The following ATR variants were observed in gnomAD, a reference collection of about 807,000 sequenced individuals.
ATR encodes serine/threonine-protein kinase ATR.
In ATR, 142 loss-of-function variants were observed where a neutral mutation model predicts 305.3. The observed-to-expected ratio is 0.47, with a 90% CI of 0.41 to 0.53. The LOEUF (loss-of-function observed/expected upper bound fraction) is 0.53. Ranked by LOEUF, ATR falls within the 20% of genes least tolerant of loss-of-function variation. The pLI is 0.00. For synonymous variants in ATR, 1,050 were observed against 1,068.1 expected (o/e 0.98, Z 0.33); for missense variants, 2,135 against 3,133.1 (o/e 0.68, Z 7.60).
chr3:142,566,434 G>C (rs2035074210), intron 2 of ATR, among the ~76,000 whole-genome samples, 173 bp from the exon 3 acceptor site: 1 of 152,020 alleles, frequency 6.6e-6, no homozygotes, highest in African/African-American at 2.4e-5. Flanking sequence ...GCCTGGATAA[G>C]ATGTCAAGAT....
chr3:142,497,247 T>A (rs2108337337), intron 32 of ATR, 55 bp from the exon 33 acceptor site: 3 of 1,556,062 alleles, frequency 1.9e-6, no homozygotes, highest in South Asian at 2.3e-5. Context: ...CTTATTAATC[T>A]CATATATAAA....
At chr3:142,458,826 A>T in intron 44 of ATR, 132 bp downstream of exon 44, 1 of 1,053,816 alleles carries the variant, frequency 9.5e-7, no homozygotes, top group Non-Finnish European at 1.4e-6. Flanking sequence ...GATGAAAACT[A>T]GTCAACAAAT....
At chr3:142,496,577 C>T (rs1340077049) in intron 33 of ATR, 57 bp from the exon 34 acceptor site, 2 of 1,552,560 alleles carry the variant, frequency 1.3e-6, no homozygotes, top group Non-Finnish European at 1.8e-6. Flanking sequence ...TACACAACAA[C>T]TTAACTTAAA....
At chr3:142,572,371 ACTTTTTTTTT>A (rs1467563140) in intron 1 of ATR, among the ~76,000 whole-genome samples, 4 of 49,020 alleles carry the variant, frequency 8.2e-5, no homozygotes, top group African/African-American at 2.7e-4. Context: ...GCCCGGCCTG[ACTTTTTTTTT>A]TTTTTTTTTT....
intron 18 of ATR, among the ~76,000 whole-genome samples, chr3:142,539,092 CTAAA>C (rs1180987783): frequency 1.3e-5 from 2 of 152,072 alleles, no homozygotes; most frequent in African/African-American, 2.4e-5. Context: ...GTGAACCTAA[CTAAA>C]TGTTAAATTG....
chr3:142,511,170 G>T (rs904474373), intron 27 of ATR, among the ~76,000 whole-genome samples: 1 of 151,896 alleles, frequency 6.6e-6, no homozygotes, highest in Non-Finnish European at 1.5e-5. Flanking sequence ...TATTTTCCAA[G>T]TGAAGAATGA....
rs754343411 is a variant in ATR at position 142,562,371 on chromosome 3, G to A, written c.1031C>T (p.Ala344Val). The A allele has an allele frequency of 6.2e-7, 1 of 1,614,124 alleles. No homozygotes were observed. Among genetic ancestry groups the A allele is most frequent in the South Asian group, 1.1e-5 (1 of 91,078 alleles). Reference protein sequence around the residue: ...LMRLKSDLLKAALCHLLQYFL... With the variant: ...LMRLKSDLLKVALCHLLQYFL... The stretch of plus-strand genomic sequence containing the variant: ...ATACTGCAGTAAATGGCACAAAGCT[G>A]CTTTTAGCAAATCAGACTTAAGCCG... Residue 344 changes from alanine (A) to valine (V), a missense_variant, in exon 4 of 47, where the codon GCA becomes GTA. This residue lies in a region of ATR where 744 missense variants were observed against 873.2 expected (regional missense o/e 0.85). Transcript: ENST00000350721.
intron 36 of ATR, among the ~76,000 whole-genome samples, chr3:142,475,606 T>A (rs150214353): frequency 2.6e-5 from 4 of 152,238 alleles, no homozygotes; most frequent in African/African-American, 9.7e-5. Context: ...CCTTTGGGTA[T>A]ATACCCAGTA....
rs2070974907 is a variant in ATR, at chr3:142,459,326, A to G, written c.7250T>C (p.Leu2417Ser). The G allele has an allele frequency of 1.9e-6, 3 of 1,614,028 alleles. No individual in the cohort carries two copies. The highest frequency in any genetic ancestry group is 1.7e-6 in the Non-Finnish European group (2 of 1,179,872). Residue 2417 changes from leucine to serine, a missense_variant, in exon 43 of 47, where the codon TTA (leucine) becomes TCA (serine). Around this residue, in one of 9 missense-constraint regions of ATR, gnomAD observed 462 missense variants for 887.6 expected, o/e 0.52. Transcript: ENST00000350721. ...TCGGAATACTTTGAGTTTTTCAGAT[A>G]AAGCTGCTGACTTTGGTAGCATACA... is the stretch of plus-strand genomic sequence containing the variant. Reference protein sequence around the residue: ...RQCMLPKSAALSEKLKVFREF... With the variant: ...RQCMLPKSAASSEKLKVFREF...
At chr3:142,530,413 CATCA>C (rs1453434771) in intron 21 of ATR, among the ~76,000 whole-genome samples, 3 of 152,278 alleles carry the variant, frequency 2.0e-5, no homozygotes. Context: ...GAGGAACTGT[CATCA>C]ATTCACAGAC....
Position 142,562,625 on chromosome 3 carries a change from T to C in ATR, c.777A>G (p.Gly259=). The part of the protein sequence containing the change: ...ISFLTELFQL[G]GLPAQPASTF... ...TGCTAGCTGGTTGTGCTGGTAGTCCTCCAAGCTGAAAAAGTTCTGTTAAAA... is the reference window on the plus strand; with the variant it reads ...TGCTAGCTGGTTGTGCTGGTAGTCCCCCAAGCTGAAAAAGTTCTGTTAAAA... The change falls in exon 4 of 47, where the codon GGA becomes GGG. Residue 259 remains glycine, a synonymous_variant. Transcript: ENST00000350721. The C allele has an allele frequency of 6.2e-7, 1 of 1,614,110 alleles. No homozygotes were observed. Among genetic ancestry groups the C allele is most frequent in the Admixed American group, 1.7e-5 (1 of 60,020 alleles).
intron 46 of ATR, chr3:142,452,776 T>C (rs941472503): frequency 1.8e-6 from 2 of 1,103,762 alleles, no homozygotes; most frequent in African/African-American, 1.7e-5. Context: ...TTTGTTAACA[T>C]AGCTTGTGAC....
intron 36 of ATR, among the ~76,000 whole-genome samples, chr3:142,482,833 TAA>T (rs75409897): frequency 3.1e-4 from 42 of 136,926 alleles, no homozygotes; most frequent in Non-Finnish European, 3.0e-4. Context: ...CTTTGTCAAT[TAA>T]AAAAAAAAAA....
chr3:142,496,229 T>C (rs1414947644), intron 34 of ATR, 132 bp downstream of exon 34: 4 of 209,876 alleles, frequency 1.9e-5, no homozygotes, highest in Non-Finnish European at 3.4e-5. Flanking sequence ...TTAATTTGGA[T>C]TAGTTATGTT....
chr3:142,563,138 TAAAC>T, intron 3 of ATR, 29 bp from the exon 4 acceptor site: 17 of 1,577,822 alleles, frequency 1.1e-5, no homozygotes, highest in Non-Finnish European at 1.5e-5. Context: ...AGATATTAAA[TAAAC>T]AAGTATATCC....
At chr3:142,520,204 T>C (rs1340363952) in intron 23 of ATR, among the ~76,000 whole-genome samples, 2 of 152,204 alleles carry the variant, frequency 1.3e-5, no homozygotes, top group African/African-American at 4.8e-5. Flanking sequence ...AAATGTGGTG[T>C]GTGTTCTGAC....
chr3:142,450,520 C>T (rs746180143), intron 46 of ATR: 2 of 1,605,270 alleles, frequency 1.2e-6, no homozygotes, highest in East Asian at 2.2e-5. Flanking sequence ...GGCTATTTCT[C>T]ATATCCAGAA....
intron 27 of ATR, among the ~76,000 whole-genome samples, chr3:142,509,905 C>G (rs1218384629): frequency 1.3e-5 from 2 of 152,060 alleles, no homozygotes; most frequent in African/African-American, 2.4e-5. Flanking sequence ...CGCCTGAGCG[C>G]AGGAGTTTGG....
Position 142,534,415 on chromosome 3 carries a change from T to C in ATR, c.3945+665A>G, listed in dbSNP as rs2033777160. Among the ~76,000 whole-genome samples the C allele has an allele frequency of 2.0e-5, 3 of 152,268 alleles. No individual in the cohort carries two copies. In the South Asian group the frequency reaches 6.2e-4, roughly 32 times the overall value. ...TTTGTCCTAAGTAAGTGCTTGCTTC[T>C]ATTAATGGAAGGAAATATAACCCTT... is the stretch of plus-strand genomic sequence containing the variant. On this transcript the variant is annotated intron_variant, in intron 21 of 46. Coordinates refer to ENST00000350721, the MANE Select transcript of ATR (RefSeq NM_001184.4).
Sources: allele counts gnomAD v4.1 joint callset (sites outside exome capture counted in the v4.1 genomes callset), GRCh38; gene constraint gnomAD v4.1.1; regional missense constraint gnomAD v4.1.1; transcripts MANE v1.5; gene names NCBI Gene and HGNC (gene_info 2026-07-23, HGNC 2026-07-21).